RBFOX1: variants seen among roughly 807,000 people sequenced by gnomAD.
RBFOX1 encodes the protein RNA binding protein fox-1 homolog 1.
A neutral mutation model predicts 57.7 loss-of-function variants in RBFOX1; 8 were observed. The ratio of observed to expected loss-of-function variants is 0.14; its 90% CI spans 0.08 to 0.25. The LOEUF is 0.25. Ranked by LOEUF, RBFOX1 falls within the 10% of genes least tolerant of loss-of-function variation. The pLI, the probability that RBFOX1 is intolerant of heterozygous loss-of-function variation, is 1.00. For synonymous variants in RBFOX1, 326 were observed against 222.4 expected (o/e 1.47, Z -4.15); for missense variants, 611 against 548.5 (o/e 1.11, Z -1.14).
chr16:7,703,663 T>C (rs902755301), intron 14 of RBFOX1, among the ~76,000 whole-genome samples: 2 of 152,206 alleles, frequency 1.3e-5, no homozygotes, highest in Non-Finnish European at 2.9e-5. Flanking sequence ...TTCAAGTAGG[T>C]GTACATAGTA....
At chr16:5,801,643 G>A (rs191886617) in intron 3 of RBFOX1, among the ~76,000 whole-genome samples, 7 of 152,320 alleles carry the variant, frequency 4.6e-5, no homozygotes, top group African/African-American at 7.2e-5. Flanking sequence ...AATGTGATCC[G>A]TGGTTGCTAA....
At chr16:7,174,914 T>C (rs1029728159) in intron 4 of RBFOX1, among the ~76,000 whole-genome samples, 1 of 152,218 alleles carries the variant, frequency 6.6e-6, no homozygotes, top group Non-Finnish European at 1.5e-5. Flanking sequence ...GTATTACTTA[T>C]CTATCTTTCA....
intron 3 of RBFOX1, among the ~76,000 whole-genome samples, chr16:7,013,274 G>A (rs1374171102): frequency 6.6e-6 from 1 of 152,134 alleles, no homozygotes; most frequent in African/African-American, 2.4e-5. Flanking sequence ...GGACTGCTGA[G>A]GTAATTCAAT....
intron 4 of RBFOX1, among the ~76,000 whole-genome samples, chr16:7,057,210 G>T (rs1022001976): frequency 2.6e-5 from 4 of 152,158 alleles, no homozygotes; most frequent in African/African-American, 9.7e-5. Flanking sequence ...GGCAGGCTCT[G>T]TATTTGATTT....
intron 2 of RBFOX1, among the ~76,000 whole-genome samples, chr16:6,527,408 C>A (rs1009549493): frequency 2.0e-5 from 3 of 152,108 alleles, no homozygotes; most frequent in African/African-American, 7.2e-5. Flanking sequence ...TCGTCCTTCC[C>A]CCCATCACTT....
At chr16:6,145,714 C>A (rs189757685) in intron 1 of RBFOX1, among the ~76,000 whole-genome samples, 5 of 151,894 alleles carry the variant, frequency 3.3e-5, no homozygotes, top group Non-Finnish European at 5.9e-5. Flanking sequence ...TTATGGCATA[C>A]GTCCATTATT....
At chr16:5,964,638 T>C (rs548760501) in intron 4 of RBFOX1, among the ~76,000 whole-genome samples, 9 of 152,234 alleles carry the variant, frequency 5.9e-5, no homozygotes, top group African/African-American at 2.2e-4. Context: ...TATACACATA[T>C]ACACACACAT....
intron 1 of RBFOX1, among the ~76,000 whole-genome samples, chr16:6,155,846 C>G (rs1294787929): frequency 6.6e-6 from 1 of 152,154 alleles, no homozygotes; most frequent in Non-Finnish European, 1.5e-5. Flanking sequence ...ATTTTTCACT[C>G]TGGTGAGAGA....
intron 2 of RBFOX1, among the ~76,000 whole-genome samples, chr16:6,640,270 T>A (rs908851008): frequency 6.6e-6 from 1 of 152,172 alleles, no homozygotes. Context: ...GAAGTTGATA[T>A]ACTATTAAGA....
intron 2 of RBFOX1, among the ~76,000 whole-genome samples, chr16:6,544,998 T>G (rs1376494590): frequency 6.6e-6 from 1 of 152,206 alleles, no homozygotes; most frequent in African/African-American, 2.4e-5. Context: ...AACTAATAAA[T>G]CTTTTTTTTA....
intron 3 of RBFOX1, among the ~76,000 whole-genome samples, chr16:6,875,611 A>G (rs931656948): frequency 2.6e-5 from 4 of 152,222 alleles, no homozygotes; most frequent in African/African-American, 7.2e-5. Flanking sequence ...TTCAGCAGAG[A>G]AGGTTAGAGT....
At chr16:5,376,672 G>A (rs1022930559) in intron 1 of RBFOX1, among the ~76,000 whole-genome samples, 8 of 147,258 alleles carry the variant, frequency 5.4e-5, no homozygotes, top group South Asian at 2.1e-4. Context: ...CACATGCTGC[G>A]GGTACCATTG....
intron 4 of RBFOX1, among the ~76,000 whole-genome samples, chr16:7,379,760 G>GCCTGCCTT (rs998877165): frequency 2.0e-5 from 3 of 150,528 alleles, no homozygotes; most frequent in Admixed American, 6.6e-5. Flanking sequence ...CTGCCTGCCT[G>GCCTGCCTT]CCTGCCTTCC....
At chr16:6,594,592 G>A (rs2097758670) in intron 2 of RBFOX1, among the ~76,000 whole-genome samples, 1 of 151,952 alleles carries the variant, frequency 6.6e-6, no homozygotes, top group Non-Finnish European at 1.5e-5. Flanking sequence ...TTCAATTATG[G>A]GCAACTAGTT....
intron 4 of RBFOX1, among the ~76,000 whole-genome samples, chr16:7,118,431 G>C (rs926516551): frequency 2.0e-5 from 3 of 152,046 alleles, no homozygotes; most frequent in African/African-American, 7.2e-5. Context: ...CAGAAGGAGG[G>C]AGGCAAGGAG....
At chr16:5,522,668 C>G (rs529110805) in intron 2 of RBFOX1, among the ~76,000 whole-genome samples, 1 of 152,288 alleles carries the variant, frequency 6.6e-6, no homozygotes, top group South Asian at 2.1e-4. Flanking sequence ...TAACCAGTCT[C>G]TCTCATCTCT....
intron 2 of RBFOX1, among the ~76,000 whole-genome samples, chr16:6,464,566 G>A (rs1215077989): frequency 1.3e-5 from 2 of 152,040 alleles, no homozygotes; most frequent in Non-Finnish European, 2.9e-5. Context: ...TTTGAAGAAA[G>A]GACAATTATA....
At chr16:6,817,343 G>A (rs958311299) in intron 3 of RBFOX1, among the ~76,000 whole-genome samples, 1 of 152,020 alleles carries the variant, frequency 6.6e-6, no homozygotes, top group South Asian at 2.1e-4. Flanking sequence ...CTGCTTACCT[G>A]TTAGCTGCGT....
At chr16:6,316,037 T>C (rs1567920570) in intron 1 of RBFOX1, among the ~76,000 whole-genome samples, 1 of 152,350 alleles carries the variant, frequency 6.6e-6, no homozygotes, top group East Asian at 1.9e-4. Context: ...TTGTGAACTT[T>C]GTTGAGTCTT....
Sources: allele counts gnomAD v4.1 joint callset (sites outside exome capture counted in the v4.1 genomes callset), GRCh38; gene constraint gnomAD v4.1.1; transcripts MANE v1.5; gene names NCBI Gene and HGNC (gene_info 2026-07-23, HGNC 2026-07-21).